The following RASGRF1 variants were observed in gnomAD, a reference collection of about 807,000 sequenced individuals.
RASGRF1 encodes the protein ras-specific guanine nucleotide-releasing factor 1.
RASGRF1 carries 40 observed loss-of-function variants against 138.7 expected under a neutral mutation model. The observed-to-expected ratio is 0.29, with a 90% CI of 0.22 to 0.38. The LOEUF is 0.38. RASGRF1 is among the 10% of genes least tolerant of loss of function. The pLI, the probability that RASGRF1 is intolerant of heterozygous loss-of-function variation, is 1.00. For missense variants in RASGRF1, 1,108 were observed against 1,650.4 expected (o/e 0.67, Z 5.69); for synonymous variants, 614 against 663.2 (o/e 0.93, Z 1.14).
intron 22 of RASGRF1, among the ~76,000 whole-genome samples, chr15:78,989,663 A>G (rs975944164): frequency 6.6e-6 from 1 of 152,206 alleles, no homozygotes; most frequent in African/African-American, 2.4e-5. Flanking sequence ...AGAGTAGCTG[A>G]AACAGCCAAA....
chr15:78,967,142 G>T (rs2055659645), intron 26 of RASGRF1, among the ~76,000 whole-genome samples: 1 of 151,962 alleles, frequency 6.6e-6, no homozygotes, highest in Non-Finnish European at 1.5e-5. Flanking sequence ...TAAAAAATTA[G>T]CTGGGTGTGG....
At chr15:78,970,688 A>C (rs924377037) in intron 26 of RASGRF1, among the ~76,000 whole-genome samples, 1 of 151,762 alleles carries the variant, frequency 6.6e-6, no homozygotes, top group Non-Finnish European at 1.5e-5. Context: ...TGGGAGCCCA[A>C]GAGTCTGGGT....
Position 79,058,372 on chromosome 15 carries a change from C to G in RASGRF1, c.493G>C (p.Glu165Gln). The G allele has an allele frequency of 6.2e-7, 1 of 1,614,128 alleles. No homozygotes were observed. Among genetic ancestry groups the G allele is most frequent in the Non-Finnish European group, 8.5e-7 (1 of 1,180,042 alleles). The part of the protein sequence containing the change: ...TVAKQLRQQI[E>Q]DGEIEIERLK... ...CGCTCGATCTCGATCTCCCCATCCT[C>G]GATCTGCTGCCGAAGCTGCTTGGCC... Residue 165 changes from glutamate to glutamine, a missense_variant, in exon 3 of 27, where the codon GAG becomes CAG. This residue lies in a region of RASGRF1 where 253 missense variants were observed against 329.5 expected (regional missense o/e 0.77). Coordinates refer to ENST00000558480, the MANE Select transcript of RASGRF1 (RefSeq NM_001145648.3).
chr15:79,088,971 G>A (rs1785528898), intron 1 of RASGRF1, among the ~76,000 whole-genome samples: 1 of 152,254 alleles, frequency 6.6e-6, no homozygotes, highest in Non-Finnish European at 1.5e-5. Context: ...GCTGAAGGTA[G>A]GGAAGGAAGA....
rs1054758300 is a variant in RASGRF1 at position 79,050,903 on chromosome 15, G to A, written c.532-1315C>T. On this transcript the variant is annotated intron_variant, in intron 3 of 26. Transcript: ENST00000558480. The surrounding 1 kb of genome is among the most constrained non-coding windows in gnomAD (Gnocchi z 4.1). ...GCTTGTCTACTCTTCTATCTTTGCC[G>A]TGAGCTCTAAGGGAGAAGGGATTGC... 2.6e-5 allele frequency among the ~76,000 whole-genome samples: 4 copies of A among 152,296 alleles called. No homozygotes were observed. The highest frequency in any genetic ancestry group is 2.1e-4 in the South Asian group (1 of 4,830).
chr15:78,986,326 C>T (rs986655560), intron 22 of RASGRF1, among the ~76,000 whole-genome samples: 1 of 151,184 alleles, frequency 6.6e-6, no homozygotes, highest in Non-Finnish European at 1.5e-5. Flanking sequence ...CTTTCTGGTA[C>T]ATTCTTTTGC....
intron 8 of RASGRF1, among the ~76,000 whole-genome samples, chr15:79,028,177 A>G (rs999569474): frequency 1.3e-5 from 2 of 152,224 alleles, no homozygotes; most frequent in African/African-American, 4.8e-5. Context: ...TGTAGAACAG[A>G]CAGCAGGTGC....
chr15:79,059,013 G>A (rs1244941103), intron 2 of RASGRF1, among the ~76,000 whole-genome samples: 5 of 152,106 alleles, frequency 3.3e-5, no homozygotes, highest in African/African-American at 9.7e-5. Flanking sequence ...AATGGACCCC[G>A]TCAGAGTGCT....
In RASGRF1 at chr15:78,973,872, CCTAT is replaced by C. The variant is rs778090309; in HGVS notation, c.3495-456_3495-453del. Among the ~76,000 whole-genome samples the C allele has an allele frequency of 2.9e-4, 44 of 152,268 alleles. No homozygotes were observed. The highest frequency in any genetic ancestry group is 9.1e-4 in the African/African-American group (38 of 41,542). On this transcript the variant is annotated intron_variant, in intron 24 of 26. Coordinates refer to ENST00000558480, the MANE Select transcript of RASGRF1 (RefSeq NM_001145648.3). The surrounding 1 kb of genome is among the most constrained non-coding windows in gnomAD (Gnocchi z 4.9). ...CAGCCCCCCAACTCCTGCCAGTCAC[CCTAT>C]CTGACACCCTTGTCTCTGCTCCCTG...
intron 1 of RASGRF1, among the ~76,000 whole-genome samples, chr15:79,071,434 A>G (rs868533318): frequency 6.7e-6 from 1 of 148,610 alleles, no homozygotes; most frequent in Non-Finnish European, 1.5e-5. Flanking sequence ...GTCTCTGCTC[A>G]TTGCAACCTC....
intron 3 of RASGRF1, 82 bp from the exon 4 acceptor site, chr15:79,049,670 A>G: frequency 8.1e-7 from 1 of 1,231,268 alleles, no homozygotes; most frequent in Non-Finnish European, 1.1e-6. Flanking sequence ...TGGCAGGAAC[A>G]GGGTGGCAGC....
chr15:79,025,231 T>A, intron 10 of RASGRF1, 83 bp downstream of exon 10: 1 of 1,439,546 alleles, frequency 6.9e-7, no homozygotes, highest in Non-Finnish European at 9.3e-7. Context: ...GCCCACCACC[T>A]GGGCCCATAG....
At chr15:79,017,744 T>G (rs2056900543) in intron 12 of RASGRF1, 26 bp downstream of exon 12, 6 of 1,583,912 alleles carry the variant, frequency 3.8e-6, no homozygotes, top group Non-Finnish European at 5.1e-6. Flanking sequence ...GACCACTCGC[T>G]TTCAGGAACA....
At chr15:79,089,976 G>C (rs1450579169) in intron 1 of RASGRF1, among the ~76,000 whole-genome samples, 1 of 152,172 alleles carries the variant, frequency 6.6e-6, no homozygotes, top group East Asian at 1.9e-4. Flanking sequence ...GCCTCCCACG[G>C]GGCTCGTCCG....
intron 1 of RASGRF1, among the ~76,000 whole-genome samples, chr15:79,089,363 G>GTA (rs2058021761): frequency 6.6e-6 from 1 of 152,028 alleles, no homozygotes; most frequent in Non-Finnish European, 1.5e-5. Flanking sequence ...CTCTGCAGGT[G>GTA]CCCCTCCTCC....
At chr15:79,018,768 A>G (rs1357363065) in intron 11 of RASGRF1, among the ~76,000 whole-genome samples, 1 of 152,140 alleles carries the variant, frequency 6.6e-6, no homozygotes, top group Non-Finnish European at 1.5e-5. Context: ...GTCTCTGAGA[A>G]GTGGGTGCCT....
rs748675440 is a variant in RASGRF1 at position 78,999,834 on chromosome 15, C to T, written c.2655G>A (p.Ser885=). Residue 885 remains serine, a synonymous_variant, in exon 17 of 27, where the codon TCG becomes TCA. Transcript: ENST00000558480. ...RELDNNRSAL[S]AASAFAIATA... is the part of the protein sequence containing the mutation. ...TTGCTATGGCAAAGGCAGAGGCGGC[C>T]GACAAGGCACTGCGGTTATTGTCCA... The T allele has an allele frequency of 3.8e-5, 61 of 1,613,996 alleles. No homozygotes were observed. The highest frequency in any genetic ancestry group is 5.3e-5 in the African/African-American group (4 of 74,894).
chr15:79,015,712 C>G (rs562821006), intron 12 of RASGRF1, among the ~76,000 whole-genome samples: 5 of 152,342 alleles, frequency 3.3e-5, no homozygotes, highest in Admixed American at 3.3e-4. Context: ...CACTGGGATG[C>G]AAAATGAATG....
intron 1 of RASGRF1, among the ~76,000 whole-genome samples, chr15:79,068,285 T>C (rs1470868937): frequency 6.6e-6 from 1 of 151,438 alleles, no homozygotes; most frequent in Non-Finnish European, 1.5e-5. Flanking sequence ...TGGAGAAGAG[T>C]TAATAGGGGG....
Sources: allele counts gnomAD v4.1 joint callset (sites outside exome capture counted in the v4.1 genomes callset), GRCh38; gene constraint gnomAD v4.1.1; regional missense constraint gnomAD v4.1.1; non-coding constraint Gnocchi (gnomAD v3.1); transcripts MANE v1.5; gene names NCBI Gene and HGNC (gene_info 2026-07-23, HGNC 2026-07-21).